Variants in MTCL2 observed in about 807,000 individuals in gnomAD.
MTCL2 encodes microtubule cross-linking factor 2.
chr20:36,856,803 G>C, the MTCL2 span, among the ~76,000 whole-genome samples: 1 of 152,240 alleles, frequency 6.6e-6, no homozygotes, highest in African/African-American at 2.4e-5. Context: ...CACAGACCAG[G>C]ATTTCCTGTT....
the MTCL2 span, among the ~76,000 whole-genome samples, chr20:36,860,189 C>T: frequency 6.6e-6 from 1 of 152,152 alleles, no homozygotes; most frequent in East Asian, 1.9e-4. Context: ...TTCTTGAACT[C>T]AACGAGCATT....
the MTCL2 span, among the ~76,000 whole-genome samples, chr20:36,832,574 C>G: frequency 2.0e-5 from 3 of 152,188 alleles, no homozygotes; most frequent in Non-Finnish European, 4.4e-5. Flanking sequence ...TGACTCACGC[C>G]TATAATCCCA....
the MTCL2 span, chr20:36,793,359 T>C: frequency 1.9e-6 from 3 of 1,551,774 alleles, no homozygotes; most frequent in Non-Finnish European, 2.6e-6. The surrounding 1 kb of genome is among the most constrained non-coding windows in gnomAD (Gnocchi z 6.8). Context: ...TTGGCTGCCT[T>C]CTTGTTCAGG....
chr20:36,837,397 G>A, the MTCL2 span, among the ~76,000 whole-genome samples: 1 of 151,914 alleles, frequency 6.6e-6, no homozygotes, highest in African/African-American at 2.4e-5. Context: ...AGGCTTGGGA[G>A]GCTCATGAGC....
the MTCL2 span, among the ~76,000 whole-genome samples, chr20:36,849,568 G>C: frequency 2.0e-4 from 30 of 152,224 alleles, no homozygotes; most frequent in African/African-American, 6.3e-4. Flanking sequence ...CTGAGTAGCT[G>C]GGACTACTGG....
At chr20:36,788,222 T>C in the MTCL2 span, among the ~76,000 whole-genome samples, 1 of 125,850 alleles carries the variant, frequency 7.9e-6, no homozygotes, top group Non-Finnish European at 1.7e-5. Context: ...AAAAAAAAAG[T>C]GCTGCTGGGC....
the MTCL2 span, chr20:36,815,013 G>A: frequency 1.9e-6 from 2 of 1,036,390 alleles, no homozygotes; most frequent in South Asian, 1.6e-5. The surrounding 1 kb of genome is among the most constrained non-coding windows in gnomAD (Gnocchi z 5.3). Flanking sequence ...AGTGAACTGA[G>A]ATTGCACCAC....
the MTCL2 span, among the ~76,000 whole-genome samples, chr20:36,816,599 C>G: frequency 2.0e-5 from 3 of 152,118 alleles, no homozygotes; most frequent in African/African-American, 7.2e-5. Context: ...TACCTCCCTC[C>G]CAGAGCCACA....
the MTCL2 span, among the ~76,000 whole-genome samples, chr20:36,807,851 T>A: frequency 1.4e-5 from 2 of 142,202 alleles, no homozygotes; most frequent in Middle Eastern, 8.1e-3. Flanking sequence ...CTGGCCAACA[T>A]GGAGAAACCC....
At chr20:36,837,337 A>G in the MTCL2 span, among the ~76,000 whole-genome samples, 3 of 136,264 alleles carry the variant, frequency 2.2e-5, no homozygotes, top group Non-Finnish European at 4.8e-5. Flanking sequence ...CCAACCTCCC[A>G]CCCACCCTTC....
chr20:36,785,040 G>C, the MTCL2 span: 1 of 985,512 alleles, frequency 1.0e-6, no homozygotes, highest in Non-Finnish European at 1.2e-6. Flanking sequence ...GAGAACGTCT[G>C]GGGAGTGGTG....
chr20:36,819,173 T>C, the MTCL2 span, among the ~76,000 whole-genome samples: 2 of 151,994 alleles, frequency 1.3e-5, no homozygotes, highest in South Asian at 4.1e-4. Context: ...AATTTCTCAA[T>C]GTTTAAAGAA....
chr20:36,777,635 A>C, the MTCL2 span: 2 of 485,250 alleles, frequency 4.1e-6, no homozygotes, highest in Non-Finnish European at 3.7e-6. Flanking sequence ...GAAAGGAGAG[A>C]ATAGTGGACA....
the MTCL2 span, among the ~76,000 whole-genome samples, chr20:36,792,884 A>T: frequency 1.3e-5 from 2 of 151,810 alleles, no homozygotes; most frequent in Non-Finnish European, 2.9e-5. Context: ...AGACAGACAG[A>T]CAGACAGACA....
the MTCL2 span, chr20:36,783,901 C>T: frequency 2.0e-6 from 2 of 985,402 alleles, no homozygotes; most frequent in Non-Finnish European, 2.4e-6. Context: ...CATTTTCAAC[C>T]CCATCCAGCC....
At chr20:36,836,332 G>A in the MTCL2 span, among the ~76,000 whole-genome samples, 6 of 143,318 alleles carry the variant, frequency 4.2e-5, no homozygotes, top group East Asian at 2.1e-4. Flanking sequence ...TTGCCACCAC[G>A]CCCAGCTAAT....
the MTCL2 span, chr20:36,815,650 G>C: frequency 1.9e-6 from 3 of 1,607,406 alleles, no homozygotes; most frequent in African/African-American, 4.0e-5. The surrounding 1 kb of genome is among the most constrained non-coding windows in gnomAD (Gnocchi z 5.3). Flanking sequence ...AGGTTGGAGA[G>C]GAGCACGCGG....
the MTCL2 span, among the ~76,000 whole-genome samples, chr20:36,819,610 C>CA: frequency 4.0e-3 from 503 of 126,120 alleles, 3 homozygotes; most frequent in South Asian, 0.011. Context: ...CAGAATTACT[C>CA]AAAAAAAAAA....
chr20:36,859,818 G>A, the MTCL2 span: 1 of 1,231,644 alleles, frequency 8.1e-7, no homozygotes, highest in Non-Finnish European at 1.0e-6. Flanking sequence ...CCTTTCCCTT[G>A]TACTCAGTTT....
Sources: allele counts gnomAD v4.1 joint callset (sites outside exome capture counted in the v4.1 genomes callset), GRCh38; gene constraint gnomAD v4.1.1; non-coding constraint Gnocchi (gnomAD v3.1); transcripts MANE v1.5; gene names NCBI Gene and HGNC (gene_info 2026-07-23, HGNC 2026-07-21).